Variants in SLC11A1 observed in about 807,000 individuals in gnomAD.
The protein encoded by SLC11A1 is solute carrier family 11 member 1, also known as natural resistance-associated macrophage protein 1.
SLC11A1 carries 59 observed loss-of-function variants against 63.2 expected under a neutral mutation model. The ratio of observed to expected loss-of-function variants is 0.93; its 90% CI spans 0.76 to 1.16. The LOEUF is 1.16. Ranked by LOEUF, SLC11A1 falls within the 50% of genes most tolerant of loss-of-function variation. The pLI is 0.00. For missense variants in SLC11A1, 688 were observed against 730.7 expected (o/e 0.94, Z 0.67); for synonymous variants, 305 against 307.8 (o/e 0.99, Z 0.09).
At position 218,382,280 on chromosome 2, in the gene SLC11A1, C is replaced by A; in HGVS notation, c.-89C>A. 6.7e-7 allele frequency: 1 copy of A among 1,490,306 alleles called. No individual in the cohort carries two copies. Among genetic ancestry groups the A allele is most frequent in the Non-Finnish European group, 9.2e-7 (1 of 1,081,840 alleles). 92.3% of individuals were successfully genotyped at this position (1,490,306 alleles called of 1,614,324 possible). On this transcript the variant is annotated 5_prime_UTR_variant, in exon 1 of 15. Coordinates refer to ENST00000233202, the MANE Select transcript of SLC11A1 (RefSeq NM_000578.4). ...AACAGGGCGTGGGCTGGCACACTTA[C>A]TTGCACCAGTGCCCAGAGAGGGGGT...
In SLC11A1 at chr2:218,382,316, G is replaced by A; in HGVS notation, c.-53G>A. On this transcript the variant is annotated 5_prime_UTR_variant, in exon 1 of 15. Coordinates refer to ENST00000233202, the MANE Select transcript of SLC11A1 (RefSeq NM_000578.4). ...GCCCAGAGAGGGGGTGCAGGCTGAG[G>A]AGCTGCCCAGAGCACCGCTCACACT... The A allele has an allele frequency of 6.2e-7, 1 of 1,608,666 alleles. No homozygotes were observed. The highest frequency in any genetic ancestry group is 1.3e-5 in the African/African-American group (1 of 74,942).
In SLC11A1 at chr2:218,396,523, G is replaced by A. The variant is rs549536383; in HGVS notation, c.*1488G>A. 2 of 152,544 alleles carry A rather than the reference G, an allele frequency of 1.3e-5. No homozygotes were observed. The highest frequency in any genetic ancestry group is 4.8e-5 in the African/African-American group (2 of 41,582). The allele number at this position is 152,544 out of a possible 1,614,324, so 9.4% of individuals were successfully genotyped here. A position where few individuals can be genotyped will look rare whatever the true frequency, so the allele number is the denominator to read the frequency against. On this transcript the variant is annotated 3_prime_UTR_variant, in exon 15 of 15. Coordinates refer to ENST00000233202, the MANE Select transcript of SLC11A1 (RefSeq NM_000578.4). ...CCTGGCTCCGCGCTCAGGTCCGGAC[G>A]CTTGTTTATGAGAAGAATTTCCTCT...
Position 218,391,299 on chromosome 2 carries a change from T to TG in SLC11A1, c.1044+15dup. 1 of 350,426 alleles carries TG rather than the reference T, an allele frequency of 2.9e-6. No individual in the cohort carries two copies. Among genetic ancestry groups the TG allele is most frequent in the South Asian group, 2.0e-5 (1 of 49,780 alleles). 21.7% of individuals were successfully genotyped at this position (350,426 alleles called of 1,614,324 possible). ...ACATTTACCAGGGGGTGAGCGCGGG[T>TG]GGGTGGGGAGGGCGTGACCCAGAGA... On this transcript the variant is annotated intron_variant, in intron 10 of 14. Coordinates refer to ENST00000233202, the MANE Select transcript of SLC11A1 (RefSeq NM_000578.4).
intron 2 of SLC11A1, 160 bp downstream of exon 2, chr2:218,383,262 TC>T (rs1559114889): frequency 1.4e-6 from 1 of 703,614 alleles, no homozygotes; most frequent in Non-Finnish European, 2.3e-6. Context: ...CCTGCTTCCG[TC>T]CCCAGTGCTT....
At chr2:218,387,128 G>T in intron 5 of SLC11A1, 32 bp from the exon 6 acceptor site, 1 of 1,608,716 alleles carries the variant, frequency 6.2e-7, no homozygotes, top group Non-Finnish European at 8.5e-7. Context: ...CCCTGGACCA[G>T]GCTGGGCTGA....
chr2:218,393,579 C>T (rs1359602590), intron 12 of SLC11A1, among the ~76,000 whole-genome samples: 1 of 150,668 alleles, frequency 6.6e-6, no homozygotes, highest in East Asian at 1.9e-4. Context: ...CAGGTTCAAG[C>T]GATTCTTCTG....
In SLC11A1 at chr2:218,394,790, A is replaced by G. The variant is rs1696662864; in HGVS notation, c.1542+5A>G. ...CTGGGCCTCAGCACCTACCTGGTAC[A>G]GTAGGGCCAGGGGATGCCTTGGGAA... On this transcript the variant is annotated splice_donor_5th_base_variant and intron_variant, in intron 14 of 14. Coordinates refer to ENST00000233202, the MANE Select transcript of SLC11A1 (RefSeq NM_000578.4). The G allele has an allele frequency of 6.2e-7, 1 of 1,611,556 alleles. No homozygotes were observed. Among genetic ancestry groups the G allele is most frequent in the Non-Finnish European group, 8.5e-7 (1 of 1,179,886 alleles).
rs1695964452 is a variant in SLC11A1, at chr2:218,384,380, A to G, written c.273+15A>G. ...CGGGATTCAAAGTAACTAAGTCGGGACCTGAGTGGGGACACTTTCGAGAGG... is the reference window on the plus strand; with the variant it reads ...CGGGATTCAAAGTAACTAAGTCGGGGCCTGAGTGGGGACACTTTCGAGAGG... On this transcript the variant is annotated intron_variant, in intron 3 of 14. Coordinates refer to ENST00000233202, the MANE Select transcript of SLC11A1 (RefSeq NM_000578.4). This position sits in a 1 kb window ranked among gnomAD's most constrained non-coding sequence, Gnocchi z 4.0. 4 of 1,591,946 alleles carry G rather than the reference A, an allele frequency of 2.5e-6. No individual in the cohort carries two copies. In the African/African-American group the frequency reaches 5.4e-5, roughly 21 times the overall value.
rs751778521 is a variant in SLC11A1, at chr2:218,386,699, T to C, written c.458T>C (p.Val153Ala). The C allele has an allele frequency of 1.2e-6, 2 of 1,614,102 alleles. No individual in the cohort carries two copies. The highest frequency in any genetic ancestry group is 1.7e-6 in the Non-Finnish European group (2 of 1,180,006). The change falls in exon 5 of 15, where the codon GTC becomes GCC. Residue 153 changes from valine (V) to alanine (A), a missense_variant. Physicochemically the swap from Val to Ala is moderately conservative, Grantham distance 64. Coordinates refer to ENST00000233202, the MANE Select transcript of SLC11A1 (RefSeq NM_000578.4). ...ATTGTGGGCTCCGACATGCAGGAAG[T>C]CATCGGCACGGCCATTGCATTCAAT... ...LAIVGSDMQE[V>A]IGTAIAFNLL... is the part of the protein sequence containing the mutation.
chr2:218,386,615 G>A lies in SLC11A1; in HGVS notation c.394-20G>A. The A allele has an allele frequency of 6.3e-7, 1 of 1,581,332 alleles. No individual in the cohort carries two copies. The highest frequency in any genetic ancestry group is 2.2e-5 in the East Asian group (1 of 44,596). ...AAATAACCGGCCCACCCTTAATGAA[G>A]GATCATCTCCTCCCCATAGGTGCCC... On this transcript the variant is annotated intron_variant, in intron 4 of 14. Coordinates refer to ENST00000233202, the MANE Select transcript of SLC11A1 (RefSeq NM_000578.4).
Position 218,384,468 on chromosome 2 carries a change from G to T in SLC11A1, c.273+103G>T. On this transcript the variant is annotated intron_variant, in intron 3 of 14. Coordinates refer to ENST00000233202, the MANE Select transcript of SLC11A1 (RefSeq NM_000578.4). The surrounding 1 kb of genome is among the most constrained non-coding windows in gnomAD (Gnocchi z 4.0). ...CATGTTTCTCCAATGTGGCCTGGGAGCTGGTGTTAAGTTCAAATGGGCCCG... is the reference window on the plus strand; with the variant it reads ...CATGTTTCTCCAATGTGGCCTGGGATCTGGTGTTAAGTTCAAATGGGCCCG... 1 of 1,426,224 alleles carries T rather than the reference G, an allele frequency of 7.0e-7. No homozygotes were observed. The allele number at this position is 1,426,224 out of a possible 1,614,324, so 88.3% of individuals were successfully genotyped here. A position where few individuals can be genotyped will look rare whatever the true frequency, so the allele number is the denominator to read the frequency against.
In SLC11A1 at chr2:218,384,997, A is replaced by T; in HGVS notation, c.274-150A>T. 1 of 967,580 alleles carries T rather than the reference A, an allele frequency of 1.0e-6. No homozygotes were observed. The highest frequency in any genetic ancestry group is 1.5e-6 in the Non-Finnish European group (1 of 655,924). The allele number at this position is 967,580 out of a possible 1,614,324, so 59.9% of individuals were successfully genotyped here. A position where few individuals can be genotyped will look rare whatever the true frequency, so the allele number is the denominator to read the frequency against. On this transcript the variant is annotated intron_variant, in intron 3 of 14. Transcript: ENST00000233202. This position sits in a 1 kb window ranked among gnomAD's most constrained non-coding sequence, Gnocchi z 4.0. ...CTTAGCCTTTTAAAGTGCTGGGATT[A>T]CAGGGTGAGCTACCAGCGCCCAGCC...
chr2:218,391,359 C>A lies in SLC11A1; in HGVS notation c.1045-17C>A. 6.2e-7 allele frequency: 1 copy of A among 1,613,970 alleles called. No homozygotes were observed. Among genetic ancestry groups the A allele is most frequent in the African/African-American group, 1.3e-5 (1 of 75,074 alleles). On this transcript the variant is annotated splice_polypyrimidine_tract_variant and intron_variant, in intron 10 of 14. Transcript: ENST00000233202. The stretch of plus-strand genomic sequence containing the variant: ...CCTCGGGCAGGGCCACCGGTCCTAC[C>A]ACACTCGTCCCTGCAGGGCGTGATC...
In SLC11A1 at chr2:218,393,071, C is replaced by A. The variant is rs147071155; in HGVS notation, c.1255C>A (p.Arg419=). 3.4e-4 allele frequency: 547 copies of A among 1,598,482 alleles called. No homozygotes were observed. Among genetic ancestry groups the A allele is most frequent in the Non-Finnish European group, 4.1e-4 (487 of 1,176,604 alleles). The change falls in exon 12 of 15, where the codon CGG becomes AGG. Residue 419 remains arginine, a synonymous_variant. Transcript: ENST00000233202. ...GCCCACCGTGCTCGTGGCTGTCTTC[C>A]GGGACCTGAGGGACTTGTCGGGCCT... is the stretch of plus-strand genomic sequence containing the variant. ...ILPTVLVAVF[R]DLRDLSGLND... is the part of the protein sequence containing the mutation.
chr2:218,387,591 G>C lies in SLC11A1; in HGVS notation c.598G>C (p.Gly200Arg). 2 of 1,613,572 alleles carry C rather than the reference G, an allele frequency of 1.2e-6. No homozygotes were observed. Among genetic ancestry groups the C allele is most frequent in the Non-Finnish European group, 1.7e-6 (2 of 1,179,832 alleles). The change falls in exon 7 of 15, where the codon GGA becomes CGA. Residue 200 changes from glycine (G) to arginine (R), a missense_variant. Coordinates refer to ENST00000233202, the MANE Select transcript of SLC11A1 (RefSeq NM_000578.4). ...GCTGCGGAAGCTGGAAGCTTTTTTT[G>C]GACTCCTTATAACCATTATGGCCTT... ...YGLRKLEAFF[G>R]LLITIMALTF...
rs1270737317 is a variant in SLC11A1, at chr2:218,386,627, C to T, written c.394-8C>T. The T allele has an allele frequency of 1.9e-6, 3 of 1,605,680 alleles. No homozygotes were observed. In the South Asian group the frequency reaches 3.3e-5, roughly 18 times the overall value. On this transcript the variant is annotated splice_polypyrimidine_tract_variant and splice_region_variant and intron_variant, in intron 4 of 14. Transcript: ENST00000233202. ...CACCCTTAATGAAGGATCATCTCCT[C>T]CCCATAGGTGCCCCGCACCGTCCTC...
At chr2:218,383,231 G>A (rs1185388561) in intron 2 of SLC11A1, 129 bp downstream of exon 2, 15 of 1,038,638 alleles carry the variant, frequency 1.4e-5, no homozygotes, top group Non-Finnish European at 1.9e-5. Flanking sequence ...CAGCAGTGGT[G>A]GACAGTGGCA....
Position 218,384,359 on chromosome 2 carries a change from A to C in SLC11A1, c.267A>C (p.Gly89=), listed in dbSNP as rs777219710. Residue 89 remains glycine, a synonymous_variant, in exon 3 of 15, where the codon GGA becomes GGC. Coordinates refer to ENST00000233202, the MANE Select transcript of SLC11A1 (RefSeq NM_000578.4). The surrounding 1 kb of genome is among the most constrained non-coding windows in gnomAD (Gnocchi z 4.0). ...ATCTTCAGGCTGGCGCCGTGGCGGGATTCAAAGTAACTAAGTCGGGACCTG... is the reference window on the plus strand; with the variant it reads ...ATCTTCAGGCTGGCGCCGTGGCGGGCTTCAAAGTAACTAAGTCGGGACCTG... ...ESDLQAGAVA[G]FKLLWVLLWA... is the part of the protein sequence containing the mutation. The C allele has an allele frequency of 6.2e-7, 1 of 1,602,342 alleles. No individual in the cohort carries two copies. The highest frequency in any genetic ancestry group is 8.5e-7 in the Non-Finnish European group (1 of 1,171,724).
rs1695894114 is a variant in SLC11A1 at position 218,383,123 on chromosome 2, TG to T, written c.150+26del. On this transcript the variant is annotated intron_variant, in intron 2 of 14. Coordinates refer to ENST00000233202, the MANE Select transcript of SLC11A1 (RefSeq NM_000578.4). Reference sequence around the variant, plus strand: ...AACCGGTGGGATGCTGGAAACTTCCTGGGGGCTTGCAAGATTGACAGGATCC... The same window carrying T: ...AACCGGTGGGATGCTGGAAACTTCCTGGGGCTTGCAAGATTGACAGGATCC... 5 of 1,612,064 alleles carry T rather than the reference TG, an allele frequency of 3.1e-6. No individual in the cohort carries two copies. In the South Asian group the frequency reaches 4.4e-5, roughly 14 times the overall value.
Sources: allele counts gnomAD v4.1 joint callset (sites outside exome capture counted in the v4.1 genomes callset), GRCh38; gene constraint gnomAD v4.1.1; non-coding constraint Gnocchi (gnomAD v3.1); transcripts MANE v1.5; gene names NCBI Gene and HGNC (gene_info 2026-07-23, HGNC 2026-07-21).